The following PTDSS1 variants were observed in gnomAD, a reference collection of about 807,000 sequenced individuals.
The protein encoded by PTDSS1 is PSS-1.
Under a neutral mutation model 70.5 loss-of-function variants are expected in PTDSS1, and 45 were observed. That is an observed-to-expected ratio of 0.64 (90% confidence interval 0.50 to 0.82). PTDSS1 has a LOEUF of 0.82. Among genes scored for constraint, PTDSS1 ranks in the 40% least tolerant of loss-of-function variants. PTDSS1 has a pLI of 0.00. For missense variants in PTDSS1, 417 were observed against 586.1 expected, an observed-to-expected ratio of 0.71 and a Z score of 2.98; for synonymous variants, 188 against 203.8, an observed-to-expected ratio of 0.92 and a Z score of 0.66.
chr8:96,335,256 GC>G lies in PTDSS1; in HGVS notation c.*1692del, dbSNP rs1811578695. ...TGCACTTTTATAACCCATCAAAGAGGCCATTTTTAAACACAGGTACAATTTA... is the reference window on the plus strand; with the variant it reads ...TGCACTTTTATAACCCATCAAAGAGGCATTTTTAAACACAGGTACAATTTA... On this transcript the variant is annotated 3_prime_UTR_variant, in exon 13 of 13. Transcript: ENST00000517309. The G allele has an allele frequency of 6.6e-6, 1 of 152,164 alleles. No homozygotes were observed. The highest frequency in any genetic ancestry group is 1.9e-4 in the East Asian group (1 of 5,196). 9.4% of individuals were successfully genotyped at this position (152,164 alleles called of 1,614,324 possible).
intron 10 of PTDSS1, among the ~76,000 whole-genome samples, chr8:96,325,246 C>A (rs182751038): frequency 2.0e-5 from 3 of 152,308 alleles, no homozygotes; most frequent in African/African-American, 7.2e-5. Flanking sequence ...GGACTCAAAC[C>A]CAGACATTCT....
Position 96,262,016 on chromosome 8 carries a change from C to G in PTDSS1, c.-25C>G, listed in dbSNP as rs1810409657. On this transcript the variant is annotated 5_prime_UTR_variant, in exon 1 of 13. Coordinates refer to ENST00000517309, the MANE Select transcript of PTDSS1 (RefSeq NM_014754.3). The surrounding 1 kb of genome is among the most constrained non-coding windows in gnomAD (Gnocchi z 4.4). ...CCTTCTCGGGCTGGGGCCGCCGCCA[C>G]CGCGGCAGGACGGGGAGGCGGGCCA... 1.2e-6 allele frequency: 2 copies of G among 1,603,368 alleles called. No homozygotes were observed. The highest frequency in any genetic ancestry group is 2.2e-5 in the South Asian group (2 of 90,016).
chr8:96,306,467 C>G lies in PTDSS1; in HGVS notation c.918C>G (p.Phe306Leu). ...AGCTGACTGAGTTGAATACCTTCTT[C>G]TTGAAGCATATCTTTGTGTTCCAAG... is the stretch of plus-strand genomic sequence containing the variant. ...IWQLTELNTF[F>L]LKHIFVFQAS... Residue 306 changes from phenylalanine to leucine, a missense_variant, in exon 8 of 13, where the codon TTC becomes TTG. Physicochemically the swap from Phe to Leu is conservative, Grantham distance 22. Around this residue, in one of 3 missense-constraint regions of PTDSS1, gnomAD observed 272 missense variants for 429.5 expected, o/e 0.63. Transcript: ENST00000517309. 1 of 1,614,036 alleles carries G rather than the reference C, an allele frequency of 6.2e-7. No homozygotes were observed. Among genetic ancestry groups the G allele is most frequent in the Non-Finnish European group, 8.5e-7 (1 of 1,179,954 alleles).
intron 2 of PTDSS1, among the ~76,000 whole-genome samples, chr8:96,281,315 G>T (rs970979046): frequency 1.3e-5 from 2 of 152,152 alleles, no homozygotes; most frequent in Admixed American, 1.3e-4. Flanking sequence ...CTTCTCAGGA[G>T]GCAATGGGCA....
In PTDSS1 at chr8:96,330,344, G is replaced by T. The variant is rs1373136841; in HGVS notation, c.1242+63G>T. ...TAATCACCCCGGGCTCGGCAAATTC[G>T]CTCAGAGCACGTGCCTGTAAGGATA... On this transcript the variant is annotated intron_variant, in intron 11 of 12. Coordinates refer to ENST00000517309, the MANE Select transcript of PTDSS1 (RefSeq NM_014754.3). The T allele has an allele frequency of 1.3e-5, 19 of 1,493,186 alleles. No homozygotes were observed. The Admixed American group carries it at 2.4e-4, about 19-fold the overall frequency. 92.5% of individuals were successfully genotyped at this position (1,493,186 alleles called of 1,614,324 possible).
Position 96,333,957 on chromosome 8 carries a change from T to C in PTDSS1, c.*391T>C, listed in dbSNP as rs967357665. ...ATTAACCCCATGGTTAATGGACTGG[T>C]CACCAGTTTTTATTTTATTTTTATG... On this transcript the variant is annotated 3_prime_UTR_variant, in exon 13 of 13. Transcript: ENST00000517309. 6 of 473,122 alleles carry C rather than the reference T, an allele frequency of 1.3e-5. No individual in the cohort carries two copies. The highest frequency in any genetic ancestry group is 5.3e-4 in the Middle Eastern group (1 of 1,904). The allele number at this position is 473,122 out of a possible 1,614,324, so 29.3% of individuals were successfully genotyped here.
rs1278729372 is a variant in PTDSS1, at chr8:96,276,976, G to GCACACACACA, written c.271+3587_271+3588insACACACACAC. Reference sequence around the variant, plus strand: ...CCCGGGCACATACACGCGCGCACGCGCGCGCACACACACACACACACACAC... The same window carrying GCACACACACA: ...CCCGGGCACATACACGCGCGCACGCGCACACACACACGCGCACACACACACACACACACAC... On this transcript the variant is annotated intron_variant, in intron 2 of 12. Transcript: ENST00000517309. Among the ~76,000 whole-genome samples the GCACACACACA allele has an allele frequency of 1.3e-3, 139 of 107,606 alleles. 1 individual carries two copies. Among genetic ancestry groups the GCACACACACA allele is most frequent in the African/African-American group, 4.0e-3 (133 of 33,428 alleles). 70.6% of individuals were successfully genotyped at this position (107,606 alleles called of 152,430 possible). A position where few individuals can be genotyped will look rare whatever the true frequency, so the allele number is the denominator to read the frequency against.
At chr8:96,292,231 C>T (rs1338427368) in intron 4 of PTDSS1, among the ~76,000 whole-genome samples, 2 of 133,572 alleles carry the variant, frequency 1.5e-5, no homozygotes, top group Non-Finnish European at 3.1e-5. Context: ...ACCCGGGAGG[C>T]GGAGGTTGCA....
At chr8:96,329,178 G>A (rs11777772) in intron 10 of PTDSS1, among the ~76,000 whole-genome samples, 62,408 of 152,074 alleles carry the variant, frequency 0.41, 13,640 homozygotes, top group East Asian at 0.6. Context: ...GAGGGGTCCA[G>A]GAAAATGACA....
chr8:96,302,700 G>A (rs968749694), intron 6 of PTDSS1, among the ~76,000 whole-genome samples: 1 of 152,070 alleles, frequency 6.6e-6, no homozygotes, highest in Admixed American at 6.5e-5. Context: ...TCCTGCCTCA[G>A]CCTCCCAAAT....
At chr8:96,314,482 A>T (rs182127028) in intron 9 of PTDSS1, among the ~76,000 whole-genome samples, 1 of 152,090 alleles carries the variant, frequency 6.6e-6, no homozygotes, top group African/African-American at 2.4e-5. Flanking sequence ...TCCTGCTGGT[A>T]TAGCTTTATA....
chr8:96,303,169 G>C lies in PTDSS1; in HGVS notation c.753-871G>C, dbSNP rs141459132. ...TCTTCTCAGTCTTTCTATGCACTTT[G>C]CTATTTTTACAGTACAAGTCTTTTG... On this transcript the variant is annotated intron_variant, in intron 6 of 12. Transcript: ENST00000517309. Among the ~76,000 whole-genome samples the C allele has an allele frequency of 8.0e-4, 121 of 152,192 alleles. 1 individual carries two copies. Among genetic ancestry groups the C allele is most frequent in the African/African-American group, 2.8e-3 (116 of 41,540 alleles).
chr8:96,293,682 G>A (rs557842461), intron 4 of PTDSS1, among the ~76,000 whole-genome samples: 4 of 152,234 alleles, frequency 2.6e-5, no homozygotes, highest in South Asian at 2.1e-4. Context: ...ATGCCTTTCC[G>A]CATGTCAAAG....
chr8:96,309,646 A>G lies in PTDSS1; in HGVS notation c.1073+24A>G, dbSNP rs548960598. ...GGGTGAGTAATCTGTTATTGTGGAGATTTAAAAACCACTTAAGCCCTAATT... is the reference window on the plus strand; with the variant it reads ...GGGTGAGTAATCTGTTATTGTGGAGGTTTAAAAACCACTTAAGCCCTAATT... On this transcript the variant is annotated intron_variant, in intron 9 of 12. Coordinates refer to ENST00000517309, the MANE Select transcript of PTDSS1 (RefSeq NM_014754.3). 2.5e-6 allele frequency: 4 copies of G among 1,611,768 alleles called. No individual in the cohort carries two copies. In the African/African-American group the frequency reaches 4.0e-5, roughly 16 times the overall value.
At chr8:96,314,717 G>A (rs562373959) in intron 9 of PTDSS1, among the ~76,000 whole-genome samples, 285 of 152,216 alleles carry the variant, frequency 1.9e-3, no homozygotes, top group African/African-American at 6.5e-3. Flanking sequence ...CTGCCTCAGC[G>A]TCCTGAGTAG....
At chr8:96,276,973 C>T (rs867881974) in intron 2 of PTDSS1, among the ~76,000 whole-genome samples, 4 of 112,036 alleles carry the variant, frequency 3.6e-5, no homozygotes, top group East Asian at 5.6e-4. Flanking sequence ...CACGCGCGCA[C>T]GCGCGCGCAC....
At chr8:96,320,473 G>A in intron 10 of PTDSS1, 128 bp downstream of exon 10, 1 of 829,860 alleles carries the variant, frequency 1.2e-6, no homozygotes, top group Non-Finnish European at 1.9e-6. Context: ...TGTTCTACTT[G>A]TAATTGTCTG....
chr8:96,264,627 A>G (rs1810461660), intron 1 of PTDSS1, among the ~76,000 whole-genome samples: 1 of 152,200 alleles, frequency 6.6e-6, no homozygotes, highest in Non-Finnish European at 1.5e-5. Context: ...AGCAAGAATG[A>G]GCCATTTGTT....
intron 9 of PTDSS1, among the ~76,000 whole-genome samples, chr8:96,318,466 G>A (rs77997328): frequency 0.013 from 2,006 of 152,210 alleles, 22 homozygotes; most frequent in Non-Finnish European, 0.019. Context: ...AGTTATTCAC[G>A]AAGTCCGAGC....
Sources: gnomAD v4.1 joint callset for allele counts (sites outside exome capture counted in the v4.1 genomes callset) on GRCh38, gnomAD v4.1.1 for gene constraint, gnomAD v4.1.1 regional missense constraint, Gnocchi (gnomAD v3.1) non-coding constraint, MANE v1.5 for transcripts, NCBI Gene and HGNC (gene_info 2026-07-23, HGNC 2026-07-21) for gene names.